PKLR: variants seen among roughly 807,000 people sequenced by gnomAD.
PKLR encodes the protein pyruvate kinase PKLR.
Under a neutral mutation model 53.6 loss-of-function variants are expected in PKLR, and 38 were observed. The ratio of observed to expected loss-of-function variants is 0.71; its 90% CI spans 0.55 to 0.93. The LOEUF is 0.93. PKLR is among the 40% of genes least tolerant of loss of function. PKLR has a pLI of 0.00. For missense variants in PKLR, 702 were observed against 787.3 expected (o/e 0.89, Z 1.30); for synonymous variants, 328 against 316.2 (o/e 1.04, Z -0.39).
the PKLR span, among the ~76,000 whole-genome samples, chr1:155,307,328 C>T: frequency 6.6e-6 from 1 of 152,188 alleles, no homozygotes. Context: ...TGGCTTATTT[C>T]ACTTAGCATA....
upstream of PKLR, among the ~76,000 whole-genome samples, chr1:155,303,821 G>A (rs181561146): frequency 6.6e-6 from 1 of 152,216 alleles, no homozygotes; most frequent in Admixed American, 6.5e-5. Context: ...AGATGAGATG[G>A]TTGAGGAAGG....
Position 155,295,169 on chromosome 1 carries a change from C to T in PKLR, c.641G>A (p.Gly214Glu). Residue 214 changes from glycine to glutamate, a missense_variant, in exon 5 of 11, where the codon GGG becomes GAG. Coordinates refer to ENST00000342741, the MANE Select transcript of PKLR (RefSeq NM_000298.6). The surrounding 1 kb of genome is among the most constrained non-coding windows in gnomAD (Gnocchi z 4.3). The part of the protein sequence containing the change: ...YPNIVRVVPV[G>E]GRIYIDDGLI... ...CCCGTCGTCAATGTAGATGCGGCCC[C>T]CCACCGGCACGACCCGGACAATATT... 6.2e-7 allele frequency: 1 copy of T among 1,614,086 alleles called. No individual in the cohort carries two copies. The highest frequency in any genetic ancestry group is 8.5e-7 in the Non-Finnish European group (1 of 1,179,986).
intron 10 of PKLR, among the ~76,000 whole-genome samples, chr1:155,291,060 A>G: frequency 6.6e-6 from 1 of 150,806 alleles, no homozygotes; most frequent in Non-Finnish European, 1.5e-5. Flanking sequence ...AAAGAAAGAA[A>G]ATTAGTCATT....
chr1:155,296,530 A>T (rs1364862906), intron 2 of PKLR, among the ~76,000 whole-genome samples: 2 of 151,838 alleles, frequency 1.3e-5, no homozygotes, highest in African/African-American at 4.8e-5. Flanking sequence ...TTTTTAGTAG[A>T]GAAGGGGTTT....
chr1:155,301,652 T>C (rs1240600183), upstream of PKLR, among the ~76,000 whole-genome samples: 2 of 152,208 alleles, frequency 1.3e-5, no homozygotes, highest in Non-Finnish European at 2.9e-5. Context: ...TATTTTTTTT[T>C]TGGCCAGTCA....
chr1:155,295,443 C>T lies in PKLR; in HGVS notation c.501G>A (p.Leu167=). Residue 167 remains leucine, a synonymous_variant, in exon 4 of 11, where the codon CTG becomes CTA. Transcript: ENST00000342741. The surrounding 1 kb of genome is among the most constrained non-coding windows in gnomAD (Gnocchi z 4.3). ...TKGPEIRTGI[L]QGGPESEVEL... is the part of the protein sequence containing the mutation. ...TCCCAGCCCCACTGCTCACCCCCTGCAGGATCCCAGTGCGGATCTCCGGTC... is the reference window on the plus strand; with the variant it reads ...TCCCAGCCCCACTGCTCACCCCCTGTAGGATCCCAGTGCGGATCTCCGGTC... 1 of 1,609,492 alleles carries T rather than the reference C, an allele frequency of 6.2e-7. No individual in the cohort carries two copies.
upstream of PKLR, among the ~76,000 whole-genome samples, chr1:155,305,302 A>C (rs2148224547): frequency 6.6e-6 from 1 of 152,324 alleles, no homozygotes; most frequent in East Asian, 1.9e-4. Context: ...AAGTCTTGTC[A>C]GGAGTGGAGC....
chr1:155,294,272 C>T lies in PKLR; in HGVS notation c.1079G>A (p.Cys360Tyr), dbSNP rs773803500. The T allele has an allele frequency of 6.2e-7, 1 of 1,614,226 alleles. No individual in the cohort carries two copies. The highest frequency in any genetic ancestry group is 8.5e-7 in the Non-Finnish European group (1 of 1,180,040). ...GACAACAGGCTTGCCCGCCAAGTTGCAGCGCCCAATCATCATCTTCTGAGC... is the reference window on the plus strand; with the variant it reads ...GACAACAGGCTTGCCCGCCAAGTTGTAGCGCCCAATCATCATCTTCTGAGC... ...FLAQKMMIGR[C>Y]NLAGKPVVCA... The change falls in exon 7 of 11, where the codon TGC becomes TAC. Residue 360 changes from cysteine to tyrosine, a missense_variant. Around this residue, in one of 2 missense-constraint regions of PKLR, gnomAD observed 519 missense variants for 537.1 expected, o/e 0.97. Coordinates refer to ENST00000342741, the MANE Select transcript of PKLR (RefSeq NM_000298.6).
Position 155,290,509 on chromosome 1 carries a change from C to A in PKLR, c.*63G>T. The stretch of plus-strand genomic sequence containing the variant: ...CTTTGGAGGGGTGTGGGCTGGAGAA[C>A]GTAGACTGGGGAGGAAGGGATGGGG... On this transcript the variant is annotated 3_prime_UTR_variant, in exon 11 of 11. Coordinates refer to ENST00000342741, the MANE Select transcript of PKLR (RefSeq NM_000298.6). The A allele has an allele frequency of 1.0e-6, 1 of 989,890 alleles. No homozygotes were observed. Among genetic ancestry groups the A allele is most frequent in the Non-Finnish European group, 1.6e-6 (1 of 621,686 alleles). The allele number at this position is 989,890 out of a possible 1,614,324, so 61.3% of individuals were successfully genotyped here. A position where few individuals can be genotyped will look rare whatever the true frequency, so the allele number is the denominator to read the frequency against.
intron 2 of PKLR, among the ~76,000 whole-genome samples, chr1:155,297,618 G>A (rs1198383842): frequency 1.3e-5 from 2 of 151,926 alleles, no homozygotes; most frequent in Non-Finnish European, 2.9e-5. Flanking sequence ...GGGAGGGGAG[G>A]CTCTATTAAA....
rs547783391 is a variant in PKLR, at chr1:155,292,486, A to C, written c.1437-549T>G. Among the ~76,000 whole-genome samples the C allele has an allele frequency of 2.0e-4, 31 of 152,210 alleles. No homozygotes were observed. In the South Asian group the frequency reaches 5.4e-3, roughly 26 times the overall value. ...CCCTGTCTCTACTAAAAATACAAAA[A>C]ATATGCAGGGCGTTGTGGCATGCGC... is the stretch of plus-strand genomic sequence containing the variant. On this transcript the variant is annotated intron_variant, in intron 9 of 10. Coordinates refer to ENST00000342741, the MANE Select transcript of PKLR (RefSeq NM_000298.6).
chr1:155,291,297 A>C (rs996866992), intron 10 of PKLR, among the ~76,000 whole-genome samples: 7 of 151,898 alleles, frequency 4.6e-5, no homozygotes, highest in Non-Finnish European at 7.4e-5. Context: ...AGACATTGAG[A>C]CCATCCTGGC....
Position 155,290,474 on chromosome 1 carries a change from A to T in PKLR, c.*98T>A. 1 of 750,424 alleles carries T rather than the reference A, an allele frequency of 1.3e-6. No homozygotes were observed. Among genetic ancestry groups the T allele is most frequent in the Non-Finnish European group, 2.4e-6 (1 of 418,594 alleles). 46.5% of individuals were successfully genotyped at this position (750,424 alleles called of 1,614,324 possible). On this transcript the variant is annotated 3_prime_UTR_variant, in exon 11 of 11. Transcript: ENST00000342741. ...GTCAGGAATAGAGAAGAGAGGACTTAAAGGTGGGGCTTTGGAGGGGTGTGG... is the reference window on the plus strand; with the variant it reads ...GTCAGGAATAGAGAAGAGAGGACTTTAAGGTGGGGCTTTGGAGGGGTGTGG...
rs1226001821 is a variant in PKLR at position 155,295,925 on chromosome 1, A to C, written c.284-169T>G. Among the ~76,000 whole-genome samples, 5 of 152,164 alleles carry C rather than the reference A, an allele frequency of 3.3e-5. No individual in the cohort carries two copies. In the East Asian group the frequency reaches 9.7e-4, roughly 29 times the overall value. On this transcript the variant is annotated intron_variant, in intron 2 of 10. Transcript: ENST00000342741. The surrounding 1 kb of genome is among the most constrained non-coding windows in gnomAD (Gnocchi z 4.3). ...AGATCACAGACTCCCCTTCCCTCTC[A>C]AGCCAACATCCATCCCCTTGGGGAG...
chr1:155,305,041 G>C (rs1224334997), upstream of PKLR, among the ~76,000 whole-genome samples: 1 of 152,150 alleles, frequency 6.6e-6, no homozygotes, highest in African/African-American at 2.4e-5. Flanking sequence ...ATGAGATGGA[G>C]AGGGTGAGGT....
chr1:155,293,114 G>A lies in PKLR; in HGVS notation c.1436+63C>T. ...GGTGACCAGACTAAACCCAAGCCTG[G>A]GGCCCGTCCCAGCCCACCCCTGACC... On this transcript the variant is annotated intron_variant, in intron 9 of 10. Coordinates refer to ENST00000342741, the MANE Select transcript of PKLR (RefSeq NM_000298.6). The surrounding 1 kb of genome is among the most constrained non-coding windows in gnomAD (Gnocchi z 4.2). 1.3e-6 allele frequency: 2 copies of A among 1,542,022 alleles called. No homozygotes were observed. Among genetic ancestry groups the A allele is most frequent in the South Asian group, 2.2e-5 (2 of 89,674 alleles).
chr1:155,300,875 C>T (rs756205269), intron 1 of PKLR: 45 of 1,611,528 alleles, frequency 2.8e-5, no homozygotes, highest in Admixed American at 3.4e-5. Flanking sequence ...CCGATTCCAG[C>T]CGCACCTTCC....
In PKLR at chr1:155,301,221, T is replaced by G; in HGVS notation, c.100+75A>C. On this transcript the variant is annotated intron_variant, in intron 1 of 10. Coordinates refer to ENST00000342741, the MANE Select transcript of PKLR (RefSeq NM_000298.6). ...GCCAGTGGCTGATGTGGATCATTTA[T>G]GCCCTCCACCCTGGCTCCTAGTTTT... 1.9e-6 allele frequency: 3 copies of G among 1,538,694 alleles called. No homozygotes were observed. The South Asian group carries it at 3.4e-5, about 17-fold the overall frequency.
chr1:155,294,301 G>A lies in PKLR; in HGVS notation c.1050C>T (p.Phe350=). The change falls in exon 7 of 11, where the codon TTC becomes TTT. Residue 350 remains phenylalanine, a synonymous_variant. Transcript: ENST00000342741. ...LGIEIPAEKV[F]LAQKMMIGRC... ...GCCCAATCATCATCTTCTGAGCCAG[G>A]AAAACCTTCTCTGCTGGGATCTCGA... is the stretch of plus-strand genomic sequence containing the variant. 2 of 1,614,116 alleles carry A rather than the reference G, an allele frequency of 1.2e-6. No homozygotes were observed. The highest frequency in any genetic ancestry group is 1.7e-6 in the Non-Finnish European group (2 of 1,180,026).
Sources: allele counts gnomAD v4.1 joint callset (sites outside exome capture counted in the v4.1 genomes callset), GRCh38; gene constraint gnomAD v4.1.1; regional missense constraint gnomAD v4.1.1; non-coding constraint Gnocchi (gnomAD v3.1); transcripts MANE v1.5; gene names NCBI Gene and HGNC (gene_info 2026-07-23, HGNC 2026-07-21).